The following TMEM132B variants were observed in gnomAD, a reference collection of about 807,000 sequenced individuals.
TMEM132B encodes transmembrane protein 132B.
Under a neutral mutation model 90.8 loss-of-function variants are expected in TMEM132B, and 18 were observed. The observed-to-expected ratio is 0.20, with a 90% confidence interval of 0.14 to 0.29. The LOEUF is 0.29. Ranked by LOEUF, TMEM132B falls within the 10% of genes least tolerant of loss-of-function variation. The probability of loss-of-function intolerance (pLI) is 1.00; values close to 1 mark genes in which losing one functional copy is unlikely to be tolerated. For missense variants in TMEM132B, 1,096 were observed against 1,326.8 expected, an observed-to-expected ratio of 0.83 and a Z score of 2.70; for synonymous variants, 504 against 523.3, an observed-to-expected ratio of 0.96 and a Z score of 0.50.
chr12:125,426,667 C>T (rs369507764), intron 3 of TMEM132B, among the ~76,000 whole-genome samples: 236 of 152,338 alleles, frequency 1.5e-3, no homozygotes, highest in African/African-American at 5.3e-3. Flanking sequence ...CTGACCGGGT[C>T]TTTCCCCACT....
Position 125,609,734 on chromosome 12 carries a change from G to A in TMEM132B, c.1437+25740G>A, listed in dbSNP as rs983403148. 2.0e-5 allele frequency among the ~76,000 whole-genome samples: 3 copies of A among 148,330 alleles called. No individual in the cohort carries two copies. The Admixed American group carries it at 2.1e-4, about 10-fold the overall frequency. ...TGGGAGGCTGAGGCAGGAGAAGGGC[G>A]TGAACCTGGGAGGCGGAGGTTGCAG... On this transcript the variant is annotated intron_variant, in intron 5 of 8. Transcript: ENST00000682704.
intron 5 of TMEM132B, among the ~76,000 whole-genome samples, chr12:125,607,717 AC>A (rs1174591864): frequency 2.0e-5 from 3 of 152,046 alleles, no homozygotes; most frequent in African/African-American, 7.2e-5. Flanking sequence ...TATTTTCATC[AC>A]CCCCATATTA....
chr12:125,548,608 T>C (rs1566070077), intron 4 of TMEM132B, among the ~76,000 whole-genome samples: 5 of 152,176 alleles, frequency 3.3e-5, no homozygotes, highest in Admixed American at 2.6e-4. Flanking sequence ...AGGCTGGTGG[T>C]CTGGATGTCG....
At chr12:125,626,810 A>G (rs1250474931) in intron 5 of TMEM132B, among the ~76,000 whole-genome samples, 1 of 152,096 alleles carries the variant, frequency 6.6e-6, no homozygotes, top group Non-Finnish European at 1.5e-5. Flanking sequence ...GTTTCACATG[A>G]CCTTCTTGGA....
intron 4 of TMEM132B, among the ~76,000 whole-genome samples, chr12:125,560,237 G>A (rs77197366): frequency 0.019 from 2,874 of 152,268 alleles, 32 homozygotes; most frequent in Non-Finnish European, 0.03. Flanking sequence ...AGCACCTTGG[G>A]AGCTGCGGGT....
At chr12:125,543,713 G>A (rs1592984566) in intron 4 of TMEM132B, among the ~76,000 whole-genome samples, 1 of 152,328 alleles carries the variant, frequency 6.6e-6, no homozygotes, top group East Asian at 1.9e-4. Context: ...ATGCTGGCGA[G>A]GTTGCGGAGA....
chr12:125,642,641 A>T (rs78502626), intron 5 of TMEM132B, among the ~76,000 whole-genome samples: 15,731 of 152,286 alleles, frequency 0.1, 1,068 homozygotes, highest in South Asian at 0.2. Context: ...GTAACTCTTC[A>T]GCAATCCTTG....
At chr12:125,370,278 A>G (rs1878253306) in intron 2 of TMEM132B, among the ~76,000 whole-genome samples, 1 of 152,142 alleles carries the variant, frequency 6.6e-6, no homozygotes, top group Admixed American at 6.5e-5. Flanking sequence ...AGTATCAAGG[A>G]TTTTATGATT....
intron 5 of TMEM132B, among the ~76,000 whole-genome samples, chr12:125,640,647 A>C (rs546351048): frequency 6.9e-6 from 1 of 145,810 alleles, no homozygotes; most frequent in African/African-American, 2.5e-5. Context: ...CAGAGGAGAC[A>C]GCCCTGGGCC....
At chr12:125,519,715 T>C in intron 4 of TMEM132B, 90 bp downstream of exon 4, 1 of 1,310,772 alleles carries the variant, frequency 7.6e-7, no homozygotes, top group Non-Finnish European at 1.1e-6. Context: ...TCCACATACC[T>C]GATACACTGT....
chr12:125,550,145 C>G (rs1884187404), intron 4 of TMEM132B, among the ~76,000 whole-genome samples: 1 of 152,228 alleles, frequency 6.6e-6, no homozygotes, highest in South Asian at 2.1e-4. Context: ...CAAGGGCCAT[C>G]CAGTGAGTTT....
At chr12:125,271,633 T>C (rs80158680) in intron 1 of TMEM132B, among the ~76,000 whole-genome samples, 24,249 of 152,118 alleles carry the variant, frequency 0.16, 2,489 homozygotes, top group African/African-American at 0.29. Flanking sequence ...TTTCAACAGT[T>C]TTGAATTGCA....
At chr12:125,641,983 C>G (rs1197057898) in intron 5 of TMEM132B, among the ~76,000 whole-genome samples, 3 of 152,210 alleles carry the variant, frequency 2.0e-5, no homozygotes, top group African/African-American at 7.2e-5. Flanking sequence ...TTCTAAATCA[C>G]AGGGGGCCTC....
chr12:125,357,504 A>G (rs917054194), intron 2 of TMEM132B, among the ~76,000 whole-genome samples: 3 of 152,252 alleles, frequency 2.0e-5, no homozygotes, highest in African/African-American at 7.2e-5. Context: ...GAAACCTAAC[A>G]TCTGGTACCA....
chr12:125,488,052 A>G (rs1330914785), intron 3 of TMEM132B, among the ~76,000 whole-genome samples: 1 of 152,234 alleles, frequency 6.6e-6, no homozygotes, highest in Non-Finnish European at 1.5e-5. Context: ...TTCCATGCTT[A>G]AAGAATGAAA....
intron 4 of TMEM132B, among the ~76,000 whole-genome samples, chr12:125,565,285 G>T (rs989967857): frequency 1.3e-5 from 2 of 152,162 alleles, no homozygotes; most frequent in Admixed American, 1.3e-4. Context: ...CTGTTGAGCT[G>T]CCATGCATGC....
intron 3 of TMEM132B, among the ~76,000 whole-genome samples, chr12:125,438,236 T>C (rs974951542): frequency 1.3e-5 from 2 of 152,216 alleles, no homozygotes; most frequent in African/African-American, 4.8e-5. Context: ...ATCTGGGCAG[T>C]AACTCTGTAA....
chr12:125,593,648 G>A (rs1398825486), intron 5 of TMEM132B, among the ~76,000 whole-genome samples: 1 of 152,142 alleles, frequency 6.6e-6, no homozygotes, highest in African/African-American at 2.4e-5. Flanking sequence ...TTAACTAGGA[G>A]GGAAGGGGAC....
At chr12:125,355,776 C>T (rs1017494917) in intron 2 of TMEM132B, among the ~76,000 whole-genome samples, 1 of 152,110 alleles carries the variant, frequency 6.6e-6, no homozygotes, top group African/African-American at 2.4e-5. Context: ...TTGCTGAGAT[C>T]GAATTTCAGA....
Sources: allele counts gnomAD v4.1 joint callset (sites outside exome capture counted in the v4.1 genomes callset), GRCh38; gene constraint gnomAD v4.1.1; transcripts MANE v1.5; gene names NCBI Gene and HGNC (gene_info 2026-07-23, HGNC 2026-07-21).